CDK13: variants seen among roughly 807,000 people sequenced by gnomAD.
The protein encoded by CDK13 is cyclin dependent kinase 13.
In CDK13, 40 loss-of-function variants were observed where a neutral mutation model predicts 137.6. The observed-to-expected ratio is 0.29, with a 90% CI of 0.23 to 0.38. The LOEUF is 0.38. CDK13 is among the 10% of genes least tolerant of loss of function. CDK13 has a pLI of 1.00. For synonymous variants in CDK13, 869 were observed against 760.1 expected, an observed-to-expected ratio of 1.14 and a Z score of -2.36; for missense variants, 1,704 against 1,951.8, an observed-to-expected ratio of 0.87 and a Z score of 2.39.
chr7:39,976,325 A>T (rs377639732), intron 1 of CDK13, among the ~76,000 whole-genome samples: 4,653 of 28,794 alleles, frequency 0.16, 80 homozygotes, highest in South Asian at 0.32. Context: ...TCTCTCTCTC[A>T]CACACACACA....
chr7:40,030,422 ATTTTTT>A lies in CDK13; in HGVS notation c.2354-15392_2354-15387del, dbSNP rs34922492. ...ACCCCTGCAACTCTGGCAACCACTG[ATTTTTT>A]TTTTTTTTTTTTTTTTTTTTTGAGA... On this transcript the variant is annotated intron_variant, in intron 5 of 13. Coordinates refer to ENST00000181839, the MANE Select transcript of CDK13 (RefSeq NM_003718.5). 2.1e-4 allele frequency among the ~76,000 whole-genome samples: 14 copies of A among 66,010 alleles called. 1 individual carries two copies. Among genetic ancestry groups the A allele is most frequent in the Middle Eastern group, 0.011 (1 of 94 alleles). 43.3% of individuals were successfully genotyped at this position (66,010 alleles called of 152,430 possible). A position where few individuals can be genotyped will look rare whatever the true frequency, so the allele number is the denominator to read the frequency against.
intron 5 of CDK13, among the ~76,000 whole-genome samples, chr7:40,009,991 C>T (rs962000447): frequency 1.4e-4 from 21 of 152,158 alleles, no homozygotes; most frequent in Admixed American, 1.1e-3. Flanking sequence ...AAACAGTGGA[C>T]GCCAACCTTT....
At chr7:39,979,203 C>T (rs939942582) in intron 1 of CDK13, among the ~76,000 whole-genome samples, 40 of 140,990 alleles carry the variant, frequency 2.8e-4, no homozygotes, top group Non-Finnish European at 4.1e-4. Flanking sequence ...AGATTTTTTT[C>T]TTTCTTTTTT....
At chr7:39,965,392 G>A (rs1164971358) in intron 1 of CDK13, among the ~76,000 whole-genome samples, 2 of 152,046 alleles carry the variant, frequency 1.3e-5, no homozygotes, top group African/African-American at 2.4e-5. Context: ...TGTTTCTTTT[G>A]ATCTTTGTTG....
intron 9 of CDK13, among the ~76,000 whole-genome samples, chr7:40,077,728 T>C (rs1406084224): frequency 1.3e-5 from 2 of 152,030 alleles, no homozygotes; most frequent in African/African-American, 4.8e-5. Flanking sequence ...TGGTGGCGCA[T>C]GCCTATAATC....
intron 2 of CDK13, among the ~76,000 whole-genome samples, chr7:39,995,014 A>G (rs1784532330): frequency 6.6e-6 from 1 of 151,984 alleles, no homozygotes; most frequent in Non-Finnish European, 1.5e-5. Flanking sequence ...ATATTAAAAC[A>G]TGGTTTCTTT....
intron 1 of CDK13, among the ~76,000 whole-genome samples, chr7:39,965,804 G>A: frequency 6.6e-6 from 1 of 152,128 alleles, no homozygotes; most frequent in Non-Finnish European, 1.5e-5. Context: ...CTCTTGTAGG[G>A]CAGGCCTGGT....
At chr7:40,075,872 C>T (rs2150534764) in intron 9 of CDK13, among the ~76,000 whole-genome samples, 1 of 152,202 alleles carries the variant, frequency 6.6e-6, no homozygotes, top group Middle Eastern at 3.4e-3. Context: ...ATTATCTAGA[C>T]CCAGGTTATG....
chr7:40,002,126 T>A (rs1784696044), intron 5 of CDK13, 95 bp downstream of exon 5: 1 of 738,304 alleles, frequency 1.4e-6, no homozygotes, highest in East Asian at 2.6e-5. Flanking sequence ...TTTGAGTAAT[T>A]ACAAACTATT....
At position 39,951,802 on chromosome 7, in the gene CDK13, C is replaced by T. The variant is rs1465455137; in HGVS notation, c.1161C>T (p.Tyr387=). Residue 387 remains tyrosine (Y), a synonymous_variant, in exon 1 of 14, where the codon TAC becomes TAT. Coordinates refer to ENST00000181839, the MANE Select transcript of CDK13 (RefSeq NM_003718.5). ...ERGGDVSPSP[Y]SSSSWRRSRS... ...GCGGCGACGTGTCCCCTAGTCCCTA[C>T]AGCAGCAGCAGCTGGCGCCGCTCTC... 9.0e-6 allele frequency: 13 copies of T among 1,451,378 alleles called. No homozygotes were observed. The highest frequency in any genetic ancestry group is 3.0e-5 in the South Asian group (2 of 67,346). The allele number at this position is 1,451,378 out of a possible 1,614,324, so 89.9% of individuals were successfully genotyped here.
chr7:39,967,036 CCCAGTTAGGCTACT>C (rs1398799834), intron 1 of CDK13, among the ~76,000 whole-genome samples: 1 of 152,142 alleles, frequency 6.6e-6, no homozygotes, highest in East Asian at 1.9e-4. Context: ...GGGGGTGCCT[CCCAGTTAGGCTACT>C]CGGGGTTCAG....
rs756791189 is a variant in CDK13, at chr7:40,099,407, C to T, written c.*4427C>T. ...CTATAGTGAATACAGAATCACTCTTCTAAGTTTTTTCCCAGTTAATTTGTT... is the reference window on the plus strand; with the variant it reads ...CTATAGTGAATACAGAATCACTCTTTTAAGTTTTTTCCCAGTTAATTTGTT... On this transcript the variant is annotated 3_prime_UTR_variant, in exon 14 of 14. Coordinates refer to ENST00000181839, the MANE Select transcript of CDK13 (RefSeq NM_003718.5). 6.1e-4 allele frequency: 93 copies of T among 152,168 alleles called. No individual in the cohort carries two copies. Among genetic ancestry groups the T allele is most frequent in the Admixed American group, 1.6e-3 (25 of 15,280 alleles). The allele number at this position is 152,168 out of a possible 1,614,324, so 9.4% of individuals were successfully genotyped here.
chr7:39,950,309 C>T lies in CDK13; in HGVS notation c.-333C>T, dbSNP rs1468261853. 1.2e-5 allele frequency: 13 copies of T among 1,108,102 alleles called. No homozygotes were observed. Among genetic ancestry groups the T allele is most frequent in the Non-Finnish European group, 1.4e-5 (13 of 909,250 alleles). The allele number at this position is 1,108,102 out of a possible 1,614,324, so 68.6% of individuals were successfully genotyped here. On this transcript the variant is annotated 5_prime_UTR_variant, in exon 1 of 14. Coordinates refer to ENST00000181839, the MANE Select transcript of CDK13 (RefSeq NM_003718.5). ...AGCGCGGCCAAGGCCGCTCCCCCAC[C>T]CCCGGGGGCACTTGGAGGACTCGGG...
At chr7:40,084,060 T>C (rs1786732400) in intron 11 of CDK13, among the ~76,000 whole-genome samples, 1 of 152,142 alleles carries the variant, frequency 6.6e-6, no homozygotes, top group South Asian at 2.1e-4. Flanking sequence ...GGAAATAGGC[T>C]GGGCACGGTG....
intron 9 of CDK13, among the ~76,000 whole-genome samples, chr7:40,066,487 T>C (rs1048296008): frequency 5.3e-5 from 8 of 152,220 alleles, no homozygotes; most frequent in Non-Finnish European, 1.0e-4. Flanking sequence ...TTGAAGAGTA[T>C]GCTGAACAGG....
intron 7 of CDK13, among the ~76,000 whole-genome samples, chr7:40,051,521 T>C (rs1222534239): frequency 6.6e-6 from 1 of 152,228 alleles, no homozygotes; most frequent in African/African-American, 2.4e-5. Context: ...AGGGCCTTAC[T>C]GTAATACTCA....
At chr7:40,093,995 C>T in intron 13 of CDK13, 135 bp from the exon 14 acceptor site, 5 of 1,023,018 alleles carry the variant, frequency 4.9e-6, no homozygotes, top group African/African-American at 3.3e-5. Flanking sequence ...AAACTTTTTG[C>T]TTTTTTCATT....
Position 39,951,748 on chromosome 7 carries a change from C to T in CDK13, c.1107C>T (p.Ser369=), listed in dbSNP as rs1382931685. ...PSPYSRRRSP[S]YSRHSSYERG... ...CCTACAGTCGCCGCCGCTCCCCCAG[C>T]TACAGCCGCCACAGCTCCTACGAGC... The change falls in exon 1 of 14, where the codon AGC becomes AGT. Residue 369 remains serine (S), a synonymous_variant. Coordinates refer to ENST00000181839, the MANE Select transcript of CDK13 (RefSeq NM_003718.5). 5 of 1,497,056 alleles carry T rather than the reference C, an allele frequency of 3.3e-6. No individual in the cohort carries two copies. Among genetic ancestry groups the T allele is most frequent in the African/African-American group, 2.9e-5 (2 of 69,200 alleles). The allele number at this position is 1,497,056 out of a possible 1,614,324, so 92.7% of individuals were successfully genotyped here. A position where few individuals can be genotyped will look rare whatever the true frequency, so the allele number is the denominator to read the frequency against.
chr7:40,088,380 A>T (rs1332128888), intron 12 of CDK13, 49 bp downstream of exon 12: 9 of 1,404,652 alleles, frequency 6.4e-6, no homozygotes, highest in Non-Finnish European at 9.0e-6. Flanking sequence ...TTTTGCAGTT[A>T]ATTCTGATCA....
Sources: allele counts gnomAD v4.1 joint callset (sites outside exome capture counted in the v4.1 genomes callset), GRCh38; gene constraint gnomAD v4.1.1; transcripts MANE v1.5; gene names NCBI Gene and HGNC (gene_info 2026-07-23, HGNC 2026-07-21).